CWF19L2: variants seen among roughly 807,000 people sequenced by gnomAD.
The protein encoded by CWF19L2 is CWF19-like protein 2.
CWF19L2 carries 98 observed loss-of-function variants against 111.7 expected under a neutral mutation model. The observed-to-expected ratio is 0.88, with a 90% CI of 0.75 to 1.04. The LOEUF is 1.04. Among genes scored for constraint, CWF19L2 ranks in the 50% least tolerant of loss-of-function variants. CWF19L2 has a pLI of 0.00. For synonymous variants in CWF19L2, 351 were observed against 342.9 expected, an observed-to-expected ratio of 1.02 and a Z score of -0.26; for missense variants, 1,101 against 1,051.4, an observed-to-expected ratio of 1.05 and a Z score of -0.65.
rs201962833 is a variant in CWF19L2, at chr11:107,349,062, G to A, written c.2086-9C>T. 4.1e-5 allele frequency: 57 copies of A among 1,400,694 alleles called. No homozygotes were observed. In the East Asian group the frequency reaches 1.3e-3, roughly 31 times the overall value. The allele number at this position is 1,400,694 out of a possible 1,614,324, so 86.8% of individuals were successfully genotyped here. A position where few individuals can be genotyped will look rare whatever the true frequency, so the allele number is the denominator to read the frequency against. ...GGTAAACATAAATAAACCTATAAGA[G>A]AGAAATACAAAAGGTGAAATGTTAT... On this transcript the variant is annotated splice_polypyrimidine_tract_variant and intron_variant, in intron 13 of 17. Coordinates refer to ENST00000282251, the MANE Select transcript of CWF19L2 (RefSeq NM_152434.3).
chr11:107,435,401 C>A (rs920364689), intron 6 of CWF19L2, among the ~76,000 whole-genome samples: 7 of 151,916 alleles, frequency 4.6e-5, no homozygotes, highest in African/African-American at 1.7e-4. Context: ...GTCTCAGCTA[C>A]AAAATTGTTT....
In CWF19L2 at chr11:107,367,794, A is replaced by T. The variant is rs188466743; in HGVS notation, c.1873-14058T>A. On this transcript the variant is annotated intron_variant, in intron 12 of 17. Coordinates refer to ENST00000282251, the MANE Select transcript of CWF19L2 (RefSeq NM_152434.3). Reference sequence around the variant, plus strand: ...TATACATATGTAACTAACGTGCACAATGTGCACATGTACCCTAAAACTTAA... The same window carrying T: ...TATACATATGTAACTAACGTGCACATTGTGCACATGTACCCTAAAACTTAA... Among the ~76,000 whole-genome samples, 497 of 134,918 alleles carry T rather than the reference A, an allele frequency of 3.7e-3. 85 individuals carry two copies. The highest frequency in any genetic ancestry group is 5.7e-3 in the Non-Finnish European group (364 of 63,462). The allele number at this position is 134,918 out of a possible 152,430, so 88.5% of individuals were successfully genotyped here.
chr11:107,364,904 C>A, intron 12 of CWF19L2, among the ~76,000 whole-genome samples: 1 of 69,660 alleles, frequency 1.4e-5, no homozygotes, highest in African/African-American at 7.9e-5. Flanking sequence ...TTGAAAGGAT[C>A]AACAAAATTG....
Position 107,373,255 on chromosome 11 carries a change from G to C in CWF19L2, c.1872+16819C>G, listed in dbSNP as rs1337978564. Among the ~76,000 whole-genome samples, 2 of 127,372 alleles carry C rather than the reference G, an allele frequency of 1.6e-5. 1 individual carries two copies. Among genetic ancestry groups the C allele is most frequent in the South Asian group, 5.3e-4 (2 of 3,742 alleles). 83.6% of individuals were successfully genotyped at this position (127,372 alleles called of 152,430 possible). A position where few individuals can be genotyped will look rare whatever the true frequency, so the allele number is the denominator to read the frequency against. ...ACAAAGCAGCCAGGAAGCTCGAACT[G>C]GGTGGAGCCCACCACAGCTCAAGGA... On this transcript the variant is annotated intron_variant, in intron 12 of 17. Coordinates refer to ENST00000282251, the MANE Select transcript of CWF19L2 (RefSeq NM_152434.3).
intron 16 of CWF19L2, among the ~76,000 whole-genome samples, chr11:107,334,132 A>G (rs1036187271): frequency 6.6e-5 from 10 of 152,218 alleles, no homozygotes; most frequent in African/African-American, 2.4e-5. Flanking sequence ...GTTTTGTTCC[A>G]CTGTGTACCA....
intron 10 of CWF19L2, among the ~76,000 whole-genome samples, chr11:107,394,975 T>C (rs1860901166): frequency 6.6e-6 from 1 of 152,174 alleles, no homozygotes; most frequent in South Asian, 2.1e-4. Context: ...TTACTAGACA[T>C]TAAATATTTG....
intron 13 of CWF19L2, among the ~76,000 whole-genome samples, chr11:107,352,250 G>T (rs1166069201): frequency 6.8e-6 from 1 of 148,008 alleles, no homozygotes; most frequent in East Asian, 2.0e-4. Flanking sequence ...ATAACTCCAC[G>T]GTAACCTAAA....
chr11:107,457,632 A>T, intron 1 of CWF19L2, 80 bp downstream of exon 1: 2 of 1,001,840 alleles, frequency 2.0e-6, no homozygotes, highest in Admixed American at 4.1e-5. Flanking sequence ...GAGGTAAGGG[A>T]AGGGGTGAGT....
At chr11:107,450,096 C>T (rs1236113639) in intron 3 of CWF19L2, among the ~76,000 whole-genome samples, 2 of 149,834 alleles carry the variant, frequency 1.3e-5, no homozygotes, top group East Asian at 3.9e-4. Context: ...GAGACTCCAT[C>T]TCAAGAAAAA....
chr11:107,357,231 A>G (rs1313311181), intron 12 of CWF19L2, among the ~76,000 whole-genome samples: 1 of 152,308 alleles, frequency 6.6e-6, no homozygotes, highest in East Asian at 1.9e-4. Flanking sequence ...TGTTTGAAAC[A>G]CAGAAAGGGC....
In CWF19L2 at chr11:107,326,808, G is replaced by A; in HGVS notation, c.*102C>T. The stretch of plus-strand genomic sequence containing the variant: ...CTGACCCAGAGCAGTCTGCTGCTGT[G>A]ACTCTCTCTGCCTGTGACCTGAGGG... On this transcript the variant is annotated 3_prime_UTR_variant, in exon 18 of 18. Coordinates refer to ENST00000282251, the MANE Select transcript of CWF19L2 (RefSeq NM_152434.3). 1 of 968,254 alleles carries A rather than the reference G, an allele frequency of 1.0e-6. No individual in the cohort carries two copies. Among genetic ancestry groups the A allele is most frequent in the Non-Finnish European group, 1.5e-6 (1 of 660,552 alleles). 60.0% of individuals were successfully genotyped at this position (968,254 alleles called of 1,614,324 possible). A position where few individuals can be genotyped will look rare whatever the true frequency, so the allele number is the denominator to read the frequency against.
Position 107,348,918 on chromosome 11 carries a change from G to C in CWF19L2, c.2202+19C>G, listed in dbSNP as rs1398935921. 1.4e-6 allele frequency: 2 copies of C among 1,397,920 alleles called. No homozygotes were observed. The highest frequency in any genetic ancestry group is 4.6e-5 in the East Asian group (2 of 43,570). The allele number at this position is 1,397,920 out of a possible 1,614,324, so 86.6% of individuals were successfully genotyped here. A position where few individuals can be genotyped will look rare whatever the true frequency, so the allele number is the denominator to read the frequency against. On this transcript the variant is annotated intron_variant, in intron 14 of 17. Transcript: ENST00000282251. ...TGCTCATGAGTTTTAAAATGATAATGAACATTTATTATGCTGACCTGGATC... is the reference window on the plus strand; with the variant it reads ...TGCTCATGAGTTTTAAAATGATAATCAACATTTATTATGCTGACCTGGATC...
intron 11 of CWF19L2, among the ~76,000 whole-genome samples, chr11:107,391,361 C>T (rs759529821): frequency 3.9e-5 from 6 of 152,178 alleles, no homozygotes; most frequent in Non-Finnish European, 8.8e-5. Flanking sequence ...CTATCATCTA[C>T]AAACCCGTAA....
At chr11:107,327,783 A>G (rs1423245192) in intron 17 of CWF19L2, among the ~76,000 whole-genome samples, 1 of 152,126 alleles carries the variant, frequency 6.6e-6, no homozygotes, top group African/African-American at 2.4e-5. Context: ...AAATGCTTAG[A>G]GGGAGGGCAG....
At chr11:107,450,182 T>A (rs77544527) in intron 3 of CWF19L2, among the ~76,000 whole-genome samples, 1,969 of 151,588 alleles carry the variant, frequency 0.013, 26 homozygotes, top group South Asian at 0.039. Flanking sequence ...GGTGGGAGGA[T>A]TGCTTAAGGT....
intron 7 of CWF19L2, among the ~76,000 whole-genome samples, chr11:107,430,257 T>G (rs191145764): frequency 3.7e-3 from 544 of 145,714 alleles, no homozygotes; most frequent in African/African-American, 0.012. Flanking sequence ...AAGGAGTGAA[T>G]AAGTGTGAGC....
chr11:107,390,273 G>T, intron 11 of CWF19L2, 62 bp from the exon 12 acceptor site: 1 of 1,273,466 alleles, frequency 7.9e-7, no homozygotes, highest in Non-Finnish European at 1.1e-6. Context: ...ATTTCTTGAT[G>T]GATTACATAA....
At position 107,421,394 on chromosome 11, in the gene CWF19L2, A is replaced by C. The variant is rs1191235767; in HGVS notation, c.1434-3107T>G. ...AAGTTTAAAAAATTCAAAAAACAAT[A>C]AAAATCAGAGTAAAATAAATAGAAA... On this transcript the variant is annotated intron_variant, in intron 8 of 17. Coordinates refer to ENST00000282251, the MANE Select transcript of CWF19L2 (RefSeq NM_152434.3). Among the ~76,000 whole-genome samples the C allele has an allele frequency of 1.2e-4, 18 of 152,122 alleles. 1 individual carries two copies. The highest frequency in any genetic ancestry group is 5.9e-5 in the Non-Finnish European group (4 of 67,994).
intron 6 of CWF19L2, among the ~76,000 whole-genome samples, chr11:107,435,354 G>A (rs1861526398): frequency 6.6e-6 from 1 of 152,126 alleles, no homozygotes; most frequent in African/African-American, 2.4e-5. Context: ...ACAGCGGTAA[G>A]TAAAAGAAAT....
Sources: gnomAD v4.1 joint callset for allele counts (sites outside exome capture counted in the v4.1 genomes callset) on GRCh38, gnomAD v4.1.1 for gene constraint, MANE v1.5 for transcripts, NCBI Gene and HGNC (gene_info 2026-07-23, HGNC 2026-07-21) for gene names.